The following NBAS variants were observed in gnomAD, a reference collection of about 807,000 sequenced individuals.
The protein encoded by NBAS is NAG/BC035112 fusion.
A neutral mutation model predicts 302.5 loss-of-function variants in NBAS; 219 were observed. The observed-to-expected ratio is 0.72, with a 90% CI of 0.65 to 0.81. The LOEUF (loss-of-function observed/expected upper bound fraction) is 0.81, where lower values mean the gene tolerates loss of function less well. Ranked by LOEUF, NBAS falls within the 30% of genes least tolerant of loss-of-function variation. The pLI is 0.00. For synonymous variants in NBAS, 1,118 were observed against 1,021.6 expected, an observed-to-expected ratio of 1.09 and a Z score of -1.80; for missense variants, 2,932 against 2,841.6, an observed-to-expected ratio of 1.03 and a Z score of -0.72.
the NBAS span, among the ~76,000 whole-genome samples, chr2:14,830,187 C>T: frequency 6.6e-6 from 1 of 152,160 alleles, no homozygotes; most frequent in Non-Finnish European, 1.5e-5. Flanking sequence ...TATACAATAT[C>T]CAGCAATGAG....
intron 1 of NBAS, among the ~76,000 whole-genome samples, chr2:15,559,062 C>CAAAAA (rs70961421): frequency 1.6e-4 from 8 of 50,414 alleles, no homozygotes; most frequent in South Asian, 9.9e-4. Flanking sequence ...GACCCTGCCT[C>CAAAAA]AAAAAAAAAA....
At chr2:15,137,612 C>CA in the NBAS span, among the ~76,000 whole-genome samples, 4 of 151,756 alleles carry the variant, frequency 2.6e-5, no homozygotes, top group Admixed American at 6.6e-5. Flanking sequence ...GTTTTTCCCC[C>CA]AAAAAAATGA....
chr2:14,924,156 T>A, the NBAS span, among the ~76,000 whole-genome samples: 1 of 152,104 alleles, frequency 6.6e-6, no homozygotes, highest in Non-Finnish European at 1.5e-5. Context: ...AGTAAAGAGA[T>A]TTTGAATGAT....
chr2:15,478,612 A>G (rs528204116), intron 12 of NBAS, among the ~76,000 whole-genome samples: 1 of 152,344 alleles, frequency 6.6e-6, no homozygotes, highest in South Asian at 2.1e-4. Context: ...CATGTGATGA[A>G]TAAACACTGG....
intron 14 of NBAS, 22 bp downstream of exon 14, chr2:15,475,665 A>G: frequency 6.8e-6 from 11 of 1,612,306 alleles, no homozygotes; most frequent in Non-Finnish European, 9.3e-6. Flanking sequence ...ACTATTCTCA[A>G]ACAAACAGGA....
At chr2:14,799,635 G>A in the NBAS span, among the ~76,000 whole-genome samples, 9,403 of 152,114 alleles carry the variant, frequency 0.062, 324 homozygotes, top group African/African-American at 0.093. Context: ...CTATCTACTG[G>A]TTCCATCTAT....
At chr2:15,262,077 A>G (rs2148017140) in intron 44 of NBAS, among the ~76,000 whole-genome samples, 1 of 152,324 alleles carries the variant, frequency 6.6e-6, no homozygotes, top group Non-Finnish European at 1.5e-5. Context: ...AGCATCTGCC[A>G]TACCAGGGGC....
At chr2:14,848,904 T>A in the NBAS span, among the ~76,000 whole-genome samples, 1 of 149,738 alleles carries the variant, frequency 6.7e-6, no homozygotes, top group Admixed American at 6.6e-5. Flanking sequence ...AGAAAGGACA[T>A]CCACACCGAA....
At chr2:15,151,416 T>C in the NBAS span, among the ~76,000 whole-genome samples, 1 of 152,226 alleles carries the variant, frequency 6.6e-6, no homozygotes. Flanking sequence ...TTGGCATCAA[T>C]GTAAATGAAT....
the NBAS span, among the ~76,000 whole-genome samples, chr2:14,836,420 C>A: frequency 6.6e-6 from 1 of 151,696 alleles, no homozygotes; most frequent in Non-Finnish European, 1.5e-5. Flanking sequence ...TATTTTGACT[C>A]TCATGTAAAG....
intron 19 of NBAS, among the ~76,000 whole-genome samples, chr2:15,462,124 C>G (rs1168984324): frequency 1.3e-5 from 2 of 152,202 alleles, no homozygotes; most frequent in Non-Finnish European, 2.9e-5. Context: ...ACCTGAACCT[C>G]TATAGATGAA....
the NBAS span, among the ~76,000 whole-genome samples, chr2:14,805,193 G>A: frequency 3.3e-5 from 5 of 152,176 alleles, no homozygotes; most frequent in Admixed American, 6.5e-5. Flanking sequence ...CCAGGATGTC[G>A]TATAATAAAA....
the NBAS span, among the ~76,000 whole-genome samples, chr2:14,800,526 T>C: frequency 6.6e-6 from 1 of 152,218 alleles, no homozygotes; most frequent in African/African-American, 2.4e-5. Context: ...AATATGCATG[T>C]TATACTTTTT....
At chr2:15,459,564 C>G (rs953456416) in intron 21 of NBAS, among the ~76,000 whole-genome samples, 1 of 149,962 alleles carries the variant, frequency 6.7e-6, no homozygotes, top group South Asian at 2.1e-4. Context: ...ACTGCAAGCT[C>G]TGTCTCCTGG....
chr2:15,406,686 T>C (rs1399551335), intron 25 of NBAS, among the ~76,000 whole-genome samples: 2 of 151,972 alleles, frequency 1.3e-5, no homozygotes, highest in South Asian at 2.1e-4. Flanking sequence ...TATGTAAGAA[T>C]TCCTAAAAAT....
chr2:15,500,342 AC>A (rs1199858656), intron 11 of NBAS, among the ~76,000 whole-genome samples: 1 of 152,154 alleles, frequency 6.6e-6, no homozygotes, highest in African/African-American at 2.4e-5. Flanking sequence ...TGCTCTTCCA[AC>A]ATTCCACAAG....
chr2:14,788,283 G>A, the NBAS span, among the ~76,000 whole-genome samples: 9 of 151,998 alleles, frequency 5.9e-5, no homozygotes, highest in African/African-American at 1.7e-4. Context: ...CCCTGTAGCC[G>A]GAGTAGTTTG....
At chr2:14,906,302 C>G in the NBAS span, among the ~76,000 whole-genome samples, 5 of 152,190 alleles carry the variant, frequency 3.3e-5, no homozygotes, top group African/African-American at 7.2e-5. Context: ...TGCTTATTAT[C>G]TCTATTTTGC....
the NBAS span, among the ~76,000 whole-genome samples, chr2:15,016,782 A>T: frequency 1.3e-5 from 2 of 152,168 alleles, no homozygotes; most frequent in South Asian, 4.1e-4. Context: ...CGACTCATAG[A>T]CCAATGGAAC....
Sources: gnomAD v4.1 joint callset for allele counts (sites outside exome capture counted in the v4.1 genomes callset) on GRCh38, gnomAD v4.1.1 for gene constraint, MANE v1.5 for transcripts, NCBI Gene and HGNC (gene_info 2026-07-23, HGNC 2026-07-21) for gene names.